The following MAGT1 variants were observed in gnomAD, a reference collection of about 807,000 sequenced individuals.
MAGT1 encodes the protein dolichyl-diphosphooligosaccharide--protein glycosyltransferase subunit MAGT1.
Under a neutral mutation model 28.4 loss-of-function variants are expected in MAGT1, and 4 were observed. The observed-to-expected ratio is 0.14, with a 90% CI of 0.07 to 0.32. MAGT1 has a LOEUF of 0.32. Ranked by LOEUF, MAGT1 falls within the 10% of genes least tolerant of loss-of-function variation. The pLI is 1.00. For synonymous variants in MAGT1, 89 were observed against 89.7 expected (o/e 0.99, Z 0.04); for missense variants, 193 against 264.5 (o/e 0.73, Z 1.88).
chrX:77,831,594 C>CT (rs67369107), intron 8 of MAGT1, among the ~76,000 whole-genome samples: 122 of 91,280 alleles, frequency 1.3e-3, no homozygotes, highest in African/African-American at 2.4e-3. Flanking sequence ...TTTTGGTTTT[C>CT]TTTTTTTTTT....
intron 3 of MAGT1, among the ~76,000 whole-genome samples, chrX:77,866,925 G>A (rs1335230650): frequency 1.5e-5 from 1 of 64,903 alleles, no homozygotes; most frequent in African/African-American, 3.6e-5. Context: ...ATCTGATCTT[G>A]TGGCCCCCTC....
intron 7 of MAGT1, among the ~76,000 whole-genome samples, chrX:77,846,078 C>T (rs1047269152): frequency 2.7e-5 from 3 of 111,864 alleles, no homozygotes; most frequent in Non-Finnish European, 3.8e-5. Flanking sequence ...ACCAATCAGA[C>T]GTAGATTTGG....
At chrX:77,831,503 G>A (rs1218857725) in intron 8 of MAGT1, among the ~76,000 whole-genome samples, 2 of 110,909 alleles carry the variant, frequency 1.8e-5, no homozygotes, top group Non-Finnish European at 3.8e-5. Flanking sequence ...ATGAAATAAT[G>A]AATTCCTTTA....
chrX:77,846,484 A>G (rs1557214941), intron 7 of MAGT1, among the ~76,000 whole-genome samples: 1 of 112,167 alleles, frequency 8.9e-6, no homozygotes, highest in Non-Finnish European at 1.9e-5. Context: ...GAGGAGCTGC[A>G]TTCCTTTGGA....
intron 7 of MAGT1, among the ~76,000 whole-genome samples, chrX:77,846,333 T>C (rs1254971275): frequency 1.8e-5 from 2 of 111,571 alleles, no homozygotes; most frequent in Non-Finnish European, 3.8e-5. Flanking sequence ...TAGCCATTCG[T>C]CTAACCTTTT....
chrX:77,844,389 C>A (rs1441128705), intron 7 of MAGT1, among the ~76,000 whole-genome samples: 1 of 111,250 alleles, frequency 9.0e-6, no homozygotes, highest in Non-Finnish European at 1.9e-5. Context: ...TTGATCTTTT[C>A]AAAAACCAGC....
chrX:77,837,640 A>G (rs1288577579), intron 8 of MAGT1, among the ~76,000 whole-genome samples: 1 of 111,890 alleles, frequency 8.9e-6, no homozygotes, highest in African/African-American at 3.2e-5. Context: ...CAAAACAAGT[A>G]TTTCTCAAAT....
intron 8 of MAGT1, among the ~76,000 whole-genome samples, chrX:77,840,216 A>T (rs1557214273): frequency 2.0e-5 from 2 of 100,394 alleles, no homozygotes; most frequent in African/African-American, 7.3e-5. Flanking sequence ...CCTGGCCAAC[A>T]TGGTGAAACC....
chrX:77,875,359 C>G, intron 2 of MAGT1, 69 bp downstream of exon 2: 9 of 1,095,212 alleles, frequency 8.2e-6, no homozygotes, highest in Non-Finnish European at 1.0e-5. Context: ...TAACTTGGCC[C>G]TTCTGGGATT....
At chrX:77,846,250 C>T (rs1029235096) in intron 7 of MAGT1, among the ~76,000 whole-genome samples, 1 of 112,077 alleles carries the variant, frequency 8.9e-6, no homozygotes, top group Non-Finnish European at 1.9e-5. Context: ...CTGCATTCAT[C>T]ACGTAGCTCT....
At chrX:77,851,395 A>G (rs782249806) in intron 7 of MAGT1, among the ~76,000 whole-genome samples, 3 of 90,152 alleles carry the variant, frequency 3.3e-5, no homozygotes, top group Admixed American at 2.6e-4. Context: ...TTTTTTTGAG[A>G]CAGAGTCTCA....
chrX:77,844,110 T>C (rs782432464), intron 7 of MAGT1, among the ~76,000 whole-genome samples: 9 of 111,600 alleles, frequency 8.1e-5, no homozygotes, highest in Non-Finnish European at 1.7e-4. Flanking sequence ...CTATTAATTA[T>C]TGCCTCAATT....
At chrX:77,869,264 C>G (rs1251909852) in intron 3 of MAGT1, among the ~76,000 whole-genome samples, 1 of 111,474 alleles carries the variant, frequency 9.0e-6, no homozygotes, top group Non-Finnish European at 1.9e-5. Flanking sequence ...ATCTGACCAC[C>G]TTGGCCTCCC....
intron 2 of MAGT1, among the ~76,000 whole-genome samples, chrX:77,872,391 A>G (rs2077022702): frequency 9.0e-6 from 1 of 111,564 alleles, no homozygotes. Flanking sequence ...CTAAATTACT[A>G]CTTTCCTGAA....
chrX:77,894,875 C>T (rs2077094073), intron 1 of MAGT1, among the ~76,000 whole-genome samples: 1 of 111,947 alleles, frequency 8.9e-6, no homozygotes, highest in Admixed American at 9.6e-5. Flanking sequence ...TAATTTCACT[C>T]TTTGGTCTAA....
chrX:77,863,136 G>A (rs1414617756), intron 3 of MAGT1, among the ~76,000 whole-genome samples: 2 of 109,017 alleles, frequency 1.8e-5, no homozygotes, highest in African/African-American at 3.3e-5. Context: ...CTCCAGCCTG[G>A]GCAACAGAGT....
At chrX:77,889,743 T>G (rs1480471700) in intron 1 of MAGT1, among the ~76,000 whole-genome samples, 2 of 111,615 alleles carry the variant, frequency 1.8e-5, no homozygotes. Flanking sequence ...TCACATCATG[T>G]AAAACGAGAT....
At chrX:77,884,326 T>C (rs782210753) in intron 1 of MAGT1, among the ~76,000 whole-genome samples, 4 of 112,229 alleles carry the variant, frequency 3.6e-5, no homozygotes, top group Non-Finnish European at 7.5e-5. Context: ...CTCTTGGATT[T>C]ATGGAGAAAA....
intron 8 of MAGT1, among the ~76,000 whole-genome samples, chrX:77,831,790 C>T (rs1218580699): frequency 1.1e-4 from 12 of 110,170 alleles, no homozygotes; most frequent in African/African-American, 3.6e-4. Context: ...GACGGTGTCT[C>T]ACTACATTGC....
Sources: allele counts gnomAD v4.1 joint callset (sites outside exome capture counted in the v4.1 genomes callset), GRCh38; gene constraint gnomAD v4.1.1; transcripts MANE v1.5; gene names NCBI Gene and HGNC (gene_info 2026-07-23, HGNC 2026-07-21).